NAA15: variants seen among roughly 807,000 people sequenced by gnomAD.
NAA15 encodes N-alpha-acetyltransferase 15, NatA auxiliary subunit, also known as N-terminal acetyltransferase.
NAA15 carries 34 observed loss-of-function variants against 114.0 expected under a neutral mutation model. That is an observed-to-expected ratio of 0.30 (90% CI 0.23 to 0.40). NAA15 has a LOEUF of 0.40. NAA15 is among the 10% of genes least tolerant of loss of function. The pLI, the probability that NAA15 is intolerant of heterozygous loss-of-function variation, is 1.00. For missense variants in NAA15, 658 were observed against 1,004.5 expected (o/e 0.66, Z 4.66); for synonymous variants, 340 against 338.0 (o/e 1.01, Z -0.06).
At chr4:139,314,937 A>G (rs567317211) in intron 1 of NAA15, among the ~76,000 whole-genome samples, 1 of 151,568 alleles carries the variant, frequency 6.6e-6, no homozygotes, top group South Asian at 2.1e-4. Context: ...CGGCCTCCCA[A>G]AGTGCTGGGA....
chr4:139,355,875 C>G (rs1197775271), intron 10 of NAA15, among the ~76,000 whole-genome samples: 1 of 152,144 alleles, frequency 6.6e-6, no homozygotes, highest in Non-Finnish European at 1.5e-5. Flanking sequence ...GAATTACCAA[C>G]TGGTGATACT....
At chr4:139,362,695 T>C (rs1434689010) in intron 14 of NAA15, among the ~76,000 whole-genome samples, 1 of 152,198 alleles carries the variant, frequency 6.6e-6, no homozygotes, top group Non-Finnish European at 1.5e-5. Flanking sequence ...AATTGCACAG[T>C]GACTTATCAT....
At chr4:139,374,598 CT>C (rs912083924) in intron 15 of NAA15, among the ~76,000 whole-genome samples, 32 of 152,066 alleles carry the variant, frequency 2.1e-4, no homozygotes, top group Admixed American at 6.5e-5. Context: ...GATATTTTGA[CT>C]TTTTTTTCCT....
intron 17 of NAA15, among the ~76,000 whole-genome samples, chr4:139,382,406 A>C (rs903952883): frequency 2.0e-5 from 3 of 152,016 alleles, no homozygotes; most frequent in African/African-American, 7.2e-5. Flanking sequence ...GAGATTGTTT[A>C]ATCTGATTAA....
chr4:139,316,090 A>G (rs1202041944), intron 1 of NAA15, among the ~76,000 whole-genome samples: 9 of 151,754 alleles, frequency 5.9e-5, no homozygotes, highest in Admixed American at 1.3e-4. Flanking sequence ...ATTTAGTACT[A>G]CAATATTGTT....
At chr4:139,321,523 G>T (rs1392115141) in intron 1 of NAA15, among the ~76,000 whole-genome samples, 1 of 144,298 alleles carries the variant, frequency 6.9e-6, no homozygotes, top group Non-Finnish European at 1.5e-5. Flanking sequence ...CCAGGCTGGA[G>T]TGCAGTGGTG....
intron 1 of NAA15, among the ~76,000 whole-genome samples, chr4:139,332,192 G>A (rs1173854979): frequency 2.0e-5 from 3 of 152,000 alleles, no homozygotes; most frequent in Admixed American, 2.0e-4. Context: ...GTGCAGTAGC[G>A]CAATCTCGGC....
intron 17 of NAA15, among the ~76,000 whole-genome samples, chr4:139,381,385 T>C (rs1748750396): frequency 6.6e-6 from 1 of 152,084 alleles, no homozygotes; most frequent in African/African-American, 2.4e-5. Context: ...CTTTTAAAAT[T>C]AGCACTATTT....
intron 3 of NAA15, among the ~76,000 whole-genome samples, chr4:139,339,599 A>G (rs1747318615): frequency 1.3e-5 from 2 of 151,718 alleles, no homozygotes; most frequent in African/African-American, 4.8e-5. Context: ...AAATACAAAA[A>G]TTATAGCTGG....
In NAA15 at chr4:139,306,081, G is replaced by T. The variant is rs968936867; in HGVS notation, c.54+4250G>T. 2.6e-5 allele frequency among the ~76,000 whole-genome samples: 4 copies of T among 152,004 alleles called. No individual in the cohort carries two copies. The South Asian group carries it at 6.2e-4, about 24-fold the overall frequency. On this transcript the variant is annotated intron_variant, in intron 1 of 19. Transcript: ENST00000296543. ...TAGTTGATCTCTAAAATTCAGTTTTGTTGTATATTTTTCTCTTTTTTCCAA... is the reference window on the plus strand; with the variant it reads ...TAGTTGATCTCTAAAATTCAGTTTTTTTGTATATTTTTCTCTTTTTTCCAA...
At chr4:139,304,009 C>T (rs1431154349) in intron 1 of NAA15, among the ~76,000 whole-genome samples, 3 of 152,128 alleles carry the variant, frequency 2.0e-5, no homozygotes, top group African/African-American at 7.2e-5. Context: ...GCTCCGCCTC[C>T]TGGGTTGACG....
At chr4:139,316,446 G>C (rs534328392) in intron 1 of NAA15, among the ~76,000 whole-genome samples, 24 of 151,630 alleles carry the variant, frequency 1.6e-4, no homozygotes, top group Non-Finnish European at 3.4e-4. Flanking sequence ...AGTTCAGTTT[G>C]TTCATGTTTT....
chr4:139,317,714 T>G (rs1389162883), intron 1 of NAA15, among the ~76,000 whole-genome samples: 1 of 152,228 alleles, frequency 6.6e-6, no homozygotes, highest in Non-Finnish European at 1.5e-5. Context: ...TGAAAATATT[T>G]GTGTTTGCTT....
chr4:139,312,361 G>T (rs1313140654), intron 1 of NAA15, among the ~76,000 whole-genome samples: 1 of 151,910 alleles, frequency 6.6e-6, no homozygotes, highest in Non-Finnish European at 1.5e-5. Flanking sequence ...TGAAATGCCA[G>T]CTGTAGGCTT....
chr4:139,315,539 A>G (rs563655312), intron 1 of NAA15, among the ~76,000 whole-genome samples: 12 of 151,898 alleles, frequency 7.9e-5, no homozygotes, highest in African/African-American at 2.7e-4. Context: ...TAACAACAAC[A>G]ACAACGACTC....
intron 1 of NAA15, among the ~76,000 whole-genome samples, chr4:139,333,382 A>G (rs979119074): frequency 6.6e-6 from 1 of 151,934 alleles, no homozygotes; most frequent in Non-Finnish European, 1.5e-5. Flanking sequence ...CTGATTATAG[A>G]TCTTTTTTAT....
intron 6 of NAA15, 106 bp downstream of exon 6, chr4:139,344,445 A>T: frequency 1.2e-6 from 1 of 855,358 alleles, no homozygotes; most frequent in Admixed American, 2.5e-5. Flanking sequence ...CTTTTTGATG[A>T]TAGGAAATCT....
chr4:139,362,212 AT>A (rs896825362), intron 14 of NAA15, among the ~76,000 whole-genome samples: 13 of 152,232 alleles, frequency 8.5e-5, no homozygotes, highest in Non-Finnish European at 2.9e-5. Flanking sequence ...ATTGCTAACT[AT>A]TTTACAGGTA....
At chr4:139,302,185 G>A (rs1385419445) in intron 1 of NAA15, 2 of 260,010 alleles carry the variant, frequency 7.7e-6, no homozygotes, top group African/African-American at 2.2e-5. Flanking sequence ...CGGCCCGGTT[G>A]GTGTGGGAAC....
Sources: gnomAD v4.1 joint callset for allele counts (sites outside exome capture counted in the v4.1 genomes callset) on GRCh38, gnomAD v4.1.1 for gene constraint, MANE v1.5 for transcripts, NCBI Gene and HGNC (gene_info 2026-07-23, HGNC 2026-07-21) for gene names.